The following PTCHD4 variants were observed in gnomAD, a reference collection of about 807,000 sequenced individuals.
The protein encoded by PTCHD4 is patched domain-containing protein 4.
Under a neutral mutation model 58.1 loss-of-function variants are expected in PTCHD4, and 33 were observed. The observed-to-expected ratio is 0.57, with a 90% CI of 0.43 to 0.76. The LOEUF is 0.76. PTCHD4 is among the 30% of genes least tolerant of loss of function. The pLI, the probability that PTCHD4 is intolerant of heterozygous loss-of-function variation, is 0.00. For synonymous variants in PTCHD4, 478 were observed against 409.6 expected (o/e 1.17, Z -2.02); for missense variants, 1,058 against 1,027.1 (o/e 1.03, Z -0.41).
rs115258611 is a variant in PTCHD4, at chr6:47,895,727, T to G, written c.899-15791A>C. 7.1e-3 allele frequency among the ~76,000 whole-genome samples: 1,081 copies of G among 152,218 alleles called. 4 individuals carry two copies. The highest frequency in any genetic ancestry group is 0.012 in the Non-Finnish European group (801 of 68,014). ...TGGAAAGTTCTTCCATATTTAGAGT[T>G]GGAATTCATCATCTTAAATTTCCAA... On this transcript the variant is annotated intron_variant, in intron 4 of 4. Coordinates refer to ENST00000339488, the MANE Select transcript of PTCHD4 (RefSeq NM_001384253.1).
At chr6:47,955,607 A>G (rs1295621881) in intron 4 of PTCHD4, among the ~76,000 whole-genome samples, 1 of 152,232 alleles carries the variant, frequency 6.6e-6, no homozygotes, top group Admixed American at 6.5e-5. Flanking sequence ...CCAGTGAGTC[A>G]TGAAATCAAA....
chr6:47,976,306 A>G (rs919856973), intron 4 of PTCHD4, among the ~76,000 whole-genome samples: 27 of 152,148 alleles, frequency 1.8e-4, no homozygotes, highest in Middle Eastern at 3.2e-3. Flanking sequence ...ATCTGCTGAA[A>G]GTCTGCTAAA....
intron 4 of PTCHD4, among the ~76,000 whole-genome samples, chr6:47,922,235 T>G (rs964570828): frequency 6.6e-6 from 1 of 152,234 alleles, no homozygotes; most frequent in African/African-American, 2.4e-5. Context: ...CATTTTCAAC[T>G]GAACACTAGT....
chr6:47,888,335 C>G (rs537229431), intron 4 of PTCHD4, among the ~76,000 whole-genome samples: 2 of 151,660 alleles, frequency 1.3e-5, no homozygotes, highest in Non-Finnish European at 1.5e-5. Flanking sequence ...CCAGCCTGGG[C>G]GACAGCGCGA....
intron 3 of PTCHD4, among the ~76,000 whole-genome samples, chr6:48,048,995 T>C (rs182804335): frequency 6.6e-6 from 1 of 152,086 alleles, no homozygotes; most frequent in East Asian, 1.9e-4. Flanking sequence ...ATTGACAACA[T>C]TCACTGTGAG....
At chr6:48,041,471 T>G (rs989430419) in intron 3 of PTCHD4, among the ~76,000 whole-genome samples, 1 of 152,018 alleles carries the variant, frequency 6.6e-6, no homozygotes, top group Non-Finnish European at 1.5e-5. Context: ...AGTACCAGTT[T>G]GAACATGAGA....
At chr6:47,988,472 A>G (rs1489770638) in intron 4 of PTCHD4, among the ~76,000 whole-genome samples, 1 of 152,180 alleles carries the variant, frequency 6.6e-6, no homozygotes, top group Non-Finnish European at 1.5e-5. Context: ...ACTAATTATA[A>G]AAACCTTAGA....
At chr6:48,062,857 G>C (rs1479834943) in intron 3 of PTCHD4, among the ~76,000 whole-genome samples, 1 of 152,104 alleles carries the variant, frequency 6.6e-6, no homozygotes, top group Non-Finnish European at 1.5e-5. Context: ...AAGAATCATA[G>C]ACTTTCATTG....
chr6:48,080,999 G>T (rs941505880), intron 1 of PTCHD4, among the ~76,000 whole-genome samples: 5 of 152,168 alleles, frequency 3.3e-5, no homozygotes, highest in African/African-American at 1.2e-4. Context: ...AAGTGTAAAT[G>T]CAGGGGCAGA....
In PTCHD4 at chr6:47,875,007, C is replaced by A. The variant is rs1763811458; in HGVS notation, c.*3296G>T. ...ATCAAAGAGAGTGGAGCTCACATGG[C>A]ACTTTCCAATTCAAATTTAAATTCT... On this transcript the variant is annotated 3_prime_UTR_variant, in exon 5 of 5. Coordinates refer to ENST00000339488, the MANE Select transcript of PTCHD4 (RefSeq NM_001384253.1). 6.6e-6 allele frequency among the ~76,000 whole-genome samples: 1 copy of A among 151,782 alleles called. No homozygotes were observed. Among genetic ancestry groups the A allele is most frequent in the Non-Finnish European group, 1.5e-5 (1 of 67,854 alleles).
intron 3 of PTCHD4, among the ~76,000 whole-genome samples, chr6:48,047,234 C>T (rs746336279): frequency 4.0e-5 from 6 of 151,708 alleles, no homozygotes; most frequent in Non-Finnish European, 7.4e-5. Context: ...CACTCCTGGC[C>T]AGCTTCCAGT....
chr6:48,009,577 A>T (rs1762595559), intron 3 of PTCHD4, among the ~76,000 whole-genome samples: 1 of 152,218 alleles, frequency 6.6e-6, no homozygotes, highest in Admixed American at 6.5e-5. Context: ...TCATTCATAT[A>T]CCTATGCCAA....
At chr6:48,032,146 A>G (rs1763468227) in intron 3 of PTCHD4, among the ~76,000 whole-genome samples, 1 of 152,058 alleles carries the variant, frequency 6.6e-6, no homozygotes, top group Non-Finnish European at 1.5e-5. Context: ...AGATATTAAA[A>G]ACTAGTTAAA....
At chr6:48,049,483 G>C (rs1764156418) in intron 3 of PTCHD4, among the ~76,000 whole-genome samples, 1 of 151,864 alleles carries the variant, frequency 6.6e-6, no homozygotes. Context: ...TAAAAATGTT[G>C]ATTTACTACC....
In PTCHD4 at chr6:47,920,972, T is replaced by C. The variant is rs149762371; in HGVS notation, c.899-41036A>G. Among the ~76,000 whole-genome samples the C allele has an allele frequency of 3.6e-3, 551 of 152,256 alleles. 5 individuals carry two copies. Among genetic ancestry groups the C allele is most frequent in the African/African-American group, 0.013 (530 of 41,564 alleles). On this transcript the variant is annotated intron_variant, in intron 4 of 4. Coordinates refer to ENST00000339488, the MANE Select transcript of PTCHD4 (RefSeq NM_001384253.1). ...CAAAGTCTCATTCCATTCACCACACTGTCAGCTTAGGCCACTGAGACAAGG... is the reference window on the plus strand; with the variant it reads ...CAAAGTCTCATTCCATTCACCACACCGTCAGCTTAGGCCACTGAGACAAGG...
rs1172694969 is a variant in PTCHD4 at position 48,041,085 on chromosome 6, T to C, written c.417+27145A>G. 3.5e-4 allele frequency among the ~76,000 whole-genome samples: 53 copies of C among 152,122 alleles called. 1 individual carries two copies. Among genetic ancestry groups the C allele is most frequent in the Admixed American group, 3.5e-3 (53 of 15,240 alleles). ...AGTAAGTATAAATTACCAGTTTCTTTGGATTACAGTGAGATGAGCTTTGTT... is the reference window on the plus strand; with the variant it reads ...AGTAAGTATAAATTACCAGTTTCTTCGGATTACAGTGAGATGAGCTTTGTT... On this transcript the variant is annotated intron_variant, in intron 3 of 4. Coordinates refer to ENST00000339488, the MANE Select transcript of PTCHD4 (RefSeq NM_001384253.1).
intron 4 of PTCHD4, among the ~76,000 whole-genome samples, chr6:47,931,882 G>C (rs1765835670): frequency 6.6e-6 from 1 of 152,116 alleles, no homozygotes; most frequent in Non-Finnish European, 1.5e-5. Flanking sequence ...ACAGCAACCA[G>C]AATTATAGTC....
chr6:48,078,753 A>G (rs1290397035), intron 1 of PTCHD4, among the ~76,000 whole-genome samples: 1 of 152,150 alleles, frequency 6.6e-6, no homozygotes, highest in Non-Finnish European at 1.5e-5. Flanking sequence ...GCCTTCTTCA[A>G]AGTACTCTAA....
intron 4 of PTCHD4, among the ~76,000 whole-genome samples, chr6:47,956,315 A>T (rs1235201168): frequency 3.3e-5 from 5 of 152,212 alleles, no homozygotes; most frequent in Admixed American, 3.3e-4. Flanking sequence ...GATTTTCCAA[A>T]CTTCCTCATA....
Sources: gnomAD v4.1 joint callset for allele counts (sites outside exome capture counted in the v4.1 genomes callset) on GRCh38, gnomAD v4.1.1 for gene constraint, MANE v1.5 for transcripts, NCBI Gene and HGNC (gene_info 2026-07-23, HGNC 2026-07-21) for gene names.